Variants in PSMD1 observed in about 807,000 individuals in gnomAD.
PSMD1 encodes the protein 26S proteasome non-ATPase regulatory subunit 1.
In PSMD1, 18 loss-of-function variants were observed where a neutral mutation model predicts 119.0. The ratio of observed to expected loss-of-function variants is 0.15; its 90% confidence interval spans 0.10 to 0.22. The LOEUF (loss-of-function observed/expected upper bound fraction) is 0.22, where lower values mean the gene tolerates loss of function less well. Ranked by LOEUF, PSMD1 falls within the 10% of genes least tolerant of loss-of-function variation. PSMD1 has a pLI of 1.00. For missense variants in PSMD1, 702 were observed against 1,158.5 expected, an observed-to-expected ratio of 0.61 and a Z score of 5.72; for synonymous variants, 374 against 396.6, an observed-to-expected ratio of 0.94 and a Z score of 0.68.
intron 17 of PSMD1, among the ~76,000 whole-genome samples, chr2:231,144,586 G>GT (rs1696210855): frequency 6.6e-6 from 1 of 151,250 alleles, no homozygotes; most frequent in African/African-American, 2.4e-5. Flanking sequence ...GCTAATTTTT[G>GT]TATTTTTAGT....
chr2:231,082,883 A>C lies in PSMD1; in HGVS notation c.1414A>C (p.Ile472Leu). ...AATGGAATCTATGTTTTTTCCTTAG[A>C]TCGTTAGACACGGTGGCAGTCTGGG... ...LNQLKNASNDIVRHGGSLGLG... is the reference protein window; with the variant it reads ...LNQLKNASNDLVRHGGSLGLG... Residue 472 changes from isoleucine to leucine, a missense_variant and splice_region_variant, in exon 13 of 25, where the codon ATC (isoleucine) becomes CTC (leucine). By Grantham distance (5) the Ile-to-Leu change is conservative. Transcript: ENST00000308696. 1 of 1,611,104 alleles carries C rather than the reference A, an allele frequency of 6.2e-7. No homozygotes were observed. Among genetic ancestry groups the C allele is most frequent in the Non-Finnish European group, 8.5e-7 (1 of 1,177,738 alleles).
At chr2:231,084,859 GC>G (rs1366774926) in intron 14 of PSMD1, among the ~76,000 whole-genome samples, 159 bp from the exon 15 acceptor site, 19 of 152,054 alleles carry the variant, frequency 1.2e-4, no homozygotes, top group Admixed American at 2.0e-4. Flanking sequence ...GTGTTTTATT[GC>G]CCCATTTATT....
intron 16 of PSMD1, chr2:231,133,578 T>C (rs561982221): frequency 5.5e-4 from 84 of 152,292 alleles, no homozygotes; most frequent in African/African-American, 2.0e-3. Flanking sequence ...GAAAATTTGA[T>C]TGCATAATTT....
chr2:231,078,417 A>G (rs867179084), intron 9 of PSMD1, among the ~76,000 whole-genome samples: 2 of 152,232 alleles, frequency 1.3e-5, no homozygotes, highest in African/African-American at 4.8e-5. Flanking sequence ...CTGCTGTCCA[A>G]ATTCCCCACT....
intron 5 of PSMD1, among the ~76,000 whole-genome samples, chr2:231,069,331 T>C (rs993612847): frequency 1.3e-5 from 2 of 152,250 alleles, no homozygotes; most frequent in African/African-American, 4.8e-5. Context: ...ATTGTATTTT[T>C]TATTTTTTTA....
chr2:231,082,261 T>C (rs1694326539), intron 12 of PSMD1, among the ~76,000 whole-genome samples: 1 of 152,030 alleles, frequency 6.6e-6, no homozygotes, highest in Admixed American at 6.6e-5. Context: ...AGACCGAGTC[T>C]CCCTATGTTG....
In PSMD1 at chr2:231,072,159, T is replaced by A. The variant is rs1282462234; in HGVS notation, c.655-30T>A. Reference sequence around the variant, plus strand: ...ACCTTGTAGATGAAGTTTTTAATTATTGAATAATTGTTCTTTATCTCCATT... The same window carrying A: ...ACCTTGTAGATGAAGTTTTTAATTAATGAATAATTGTTCTTTATCTCCATT... On this transcript the variant is annotated intron_variant, in intron 6 of 24. Coordinates refer to ENST00000308696, the MANE Select transcript of PSMD1 (RefSeq NM_002807.4). 3.2e-6 allele frequency: 5 copies of A among 1,547,106 alleles called. No individual in the cohort carries two copies. In the South Asian group the frequency reaches 5.6e-5, roughly 17 times the overall value.
intron 16 of PSMD1, among the ~76,000 whole-genome samples, chr2:231,132,514 A>T (rs1695877436): frequency 6.6e-6 from 1 of 152,216 alleles, no homozygotes; most frequent in African/African-American, 2.4e-5. Flanking sequence ...AAATGTTAGT[A>T]GCCAAAGTTC....
chr2:231,089,294 A>G (rs962820376), intron 16 of PSMD1, among the ~76,000 whole-genome samples: 1 of 152,226 alleles, frequency 6.6e-6, no homozygotes, highest in African/African-American at 2.4e-5. Flanking sequence ...ATCCTAAACA[A>G]CAGATTTTCC....
chr2:231,090,311 C>T (rs1230254529), intron 16 of PSMD1, among the ~76,000 whole-genome samples: 5 of 152,102 alleles, frequency 3.3e-5, no homozygotes, highest in East Asian at 3.9e-4. Context: ...GGGAAGCCAA[C>T]GCGGCAGATC....
chr2:231,138,503 C>T (rs954391644), intron 16 of PSMD1, among the ~76,000 whole-genome samples: 1 of 152,194 alleles, frequency 6.6e-6, no homozygotes, highest in Non-Finnish European at 1.5e-5. Context: ...GCTGAGGACT[C>T]ACTTATACTG....
At chr2:231,142,542 T>G (rs1696149343) in intron 17 of PSMD1, among the ~76,000 whole-genome samples, 1 of 152,180 alleles carries the variant, frequency 6.6e-6, no homozygotes, top group Non-Finnish European at 1.5e-5. Flanking sequence ...GAATGAAAAG[T>G]TTTTTTATTA....
chr2:231,090,220 T>G (rs113495345), intron 16 of PSMD1, among the ~76,000 whole-genome samples: 6 of 152,186 alleles, frequency 3.9e-5, no homozygotes, highest in African/African-American at 2.4e-5. Flanking sequence ...TACTTTCAAG[T>G]CGTATTATTT....
At chr2:231,062,168 A>G (rs1462087177) in intron 2 of PSMD1, 80 bp from the exon 3 acceptor site, 21 of 905,384 alleles carry the variant, frequency 2.3e-5, no homozygotes, top group Non-Finnish European at 3.5e-5. Context: ...GGATTTGATC[A>G]TTGATTTGCT....
chr2:231,150,484 T>C (rs1696352099), intron 18 of PSMD1, among the ~76,000 whole-genome samples: 1 of 152,084 alleles, frequency 6.6e-6, no homozygotes. Flanking sequence ...TTATCTACCA[T>C]TACAGAATCC....
chr2:231,122,496 G>A (rs1695580114), intron 16 of PSMD1, among the ~76,000 whole-genome samples: 1 of 151,996 alleles, frequency 6.6e-6, no homozygotes, highest in Non-Finnish European at 1.5e-5. Context: ...TTTTGCTTAG[G>A]CAGTTTATGA....
intron 16 of PSMD1, among the ~76,000 whole-genome samples, chr2:231,121,162 C>A (rs1410830248): frequency 1.3e-5 from 2 of 152,240 alleles, no homozygotes; most frequent in Admixed American, 6.5e-5. Context: ...AATCTACAAA[C>A]CCCACTATAC....
In PSMD1 at chr2:231,080,093, C is replaced by A. The variant is rs747925183; in HGVS notation, c.1240-48C>A. The A allele has an allele frequency of 2.0e-6, 3 of 1,506,046 alleles. No homozygotes were observed. The South Asian group carries it at 3.8e-5, about 19-fold the overall frequency. 93.3% of individuals were successfully genotyped at this position (1,506,046 alleles called of 1,614,324 possible). ...AATCATAGAAAACATTGTCTTTTTT[C>A]TTCTTACTTTCTCTTTTTGATGTCT... On this transcript the variant is annotated intron_variant, in intron 11 of 24. Transcript: ENST00000308696.
chr2:231,165,852 T>A lies in PSMD1; in HGVS notation c.2569-19T>A. On this transcript the variant is annotated intron_variant, in intron 22 of 24. Coordinates refer to ENST00000308696, the MANE Select transcript of PSMD1 (RefSeq NM_002807.4). ...AGAAATGAACTTCTGTTGAACTTTT[T>A]TTAAATTTTATTTTATAGGATGAGG... The A allele has an allele frequency of 6.4e-7, 1 of 1,558,950 alleles. No homozygotes were observed. The highest frequency in any genetic ancestry group is 8.7e-7 in the Non-Finnish European group (1 of 1,150,304).
Sources: allele counts gnomAD v4.1 joint callset (sites outside exome capture counted in the v4.1 genomes callset), GRCh38; gene constraint gnomAD v4.1.1; transcripts MANE v1.5; gene names NCBI Gene and HGNC (gene_info 2026-07-23, HGNC 2026-07-21).